CSNK1G2: variants seen among roughly 807,000 people sequenced by gnomAD.
The protein encoded by CSNK1G2 is casein kinase 1 gamma 2.
CSNK1G2 carries 11 observed loss-of-function variants against 48.0 expected under a neutral mutation model. The ratio of observed to expected loss-of-function variants is 0.23; its 90% CI spans 0.14 to 0.38. The LOEUF is 0.38. Among genes scored for constraint, CSNK1G2 ranks in the 10% least tolerant of loss-of-function variants. The probability of loss-of-function intolerance (pLI) is 1.00; values close to 1 mark genes in which losing one functional copy is unlikely to be tolerated. For synonymous variants in CSNK1G2, 337 were observed against 254.1 expected (o/e 1.33, Z -3.10); for missense variants, 446 against 595.5 (o/e 0.75, Z 2.61).
At chr19:1,956,320 T>C (rs1373613665) in intron 1 of CSNK1G2, among the ~76,000 whole-genome samples, 1 of 152,114 alleles carries the variant, frequency 6.6e-6, no homozygotes, top group African/African-American at 2.4e-5. Context: ...GATGGGGATT[T>C]GGTGCTTTTT....
At chr19:1,976,106 G>C in intron 2 of CSNK1G2, 1 of 1,289,510 alleles carries the variant, frequency 7.8e-7, no homozygotes, top group Non-Finnish European at 1.0e-6. Flanking sequence ...AGGATGGACC[G>C]TGTGGCAGGT....
chr19:1,958,118 C>G (rs1040598707), intron 1 of CSNK1G2, among the ~76,000 whole-genome samples: 3 of 152,046 alleles, frequency 2.0e-5, no homozygotes, highest in African/African-American at 4.8e-5. Context: ...GGTCTGGAGG[C>G]GTTGGAAGCA....
Position 1,980,138 on chromosome 19 carries a change from G to A in CSNK1G2, c.1194-11G>A, listed in dbSNP as rs373434865. ...CCCCGGTCCTCCTACCTGAGCCACT[G>A]CCCTCCTCAGATGCTGCTGTTTCTT... On this transcript the variant is annotated splice_polypyrimidine_tract_variant and intron_variant, in intron 11 of 11. Transcript: ENST00000255641. 16 of 1,612,732 alleles carry A rather than the reference G, an allele frequency of 9.9e-6. No individual in the cohort carries two copies. The highest frequency in any genetic ancestry group is 1.3e-5 in the African/African-American group (1 of 74,914).
intron 1 of CSNK1G2, among the ~76,000 whole-genome samples, chr19:1,947,623 C>G (rs923771290): frequency 3.3e-5 from 5 of 152,216 alleles, no homozygotes; most frequent in Non-Finnish European, 5.9e-5. Flanking sequence ...CCTTTGAGTT[C>G]CTCTGAGGGT....
chr19:1,965,422 C>T (rs2015337119), intron 1 of CSNK1G2, among the ~76,000 whole-genome samples: 1 of 151,632 alleles, frequency 6.6e-6, no homozygotes, highest in Admixed American at 6.6e-5. Context: ...TCCCTGCTAG[C>T]ACAACATCCA....
In CSNK1G2 at chr19:1,975,612, C is replaced by T. The variant is rs1175797255; in HGVS notation, c.188-2693C>T. 5.1e-6 allele frequency: 5 copies of T among 985,280 alleles called. 1 individual carries two copies. The Admixed American group carries it at 1.8e-4, about 36-fold the overall frequency. The allele number at this position is 985,280 out of a possible 1,614,324, so 61.0% of individuals were successfully genotyped here. ...GGGCGGGGAAGGGGGGATGAATCCA[C>T]TGTGAATCCCACCTCCGAAGGGCAG... On this transcript the variant is annotated intron_variant, in intron 2 of 11. Coordinates refer to ENST00000255641, the MANE Select transcript of CSNK1G2 (RefSeq NM_001319.7).
Position 1,969,618 on chromosome 19 carries a change from G to C in CSNK1G2, c.-155G>C. 1 of 597,116 alleles carries C rather than the reference G, an allele frequency of 1.7e-6. No homozygotes were observed. The highest frequency in any genetic ancestry group is 2.5e-6 in the Non-Finnish European group (1 of 397,542). 37.0% of individuals were successfully genotyped at this position (597,116 alleles called of 1,614,324 possible). A position where few individuals can be genotyped will look rare whatever the true frequency, so the allele number is the denominator to read the frequency against. On this transcript the variant is annotated 5_prime_UTR_variant, in exon 2 of 12. Transcript: ENST00000255641. ...GCAGCGCGGCCTGGCCGGCCCGAAC[G>C]CCTGCGTCTCAGTAGCTGGGAGCCA... is the stretch of plus-strand genomic sequence containing the variant.
At chr19:1,979,287 G>A (rs1292765109) in intron 7 of CSNK1G2, 32 bp from the exon 8 acceptor site, 1 of 1,575,838 alleles carries the variant, frequency 6.3e-7, no homozygotes, top group East Asian at 2.3e-5. Flanking sequence ...GGGACGCAGG[G>A]CGGGAGCAAG....
At chr19:1,974,136 C>T (rs2015671628) in intron 2 of CSNK1G2, among the ~76,000 whole-genome samples, 2 of 152,156 alleles carry the variant, frequency 1.3e-5, no homozygotes, top group South Asian at 4.1e-4. Context: ...TCGTGATCTA[C>T]CTGCCTCAGC....
chr19:1,948,235 C>G (rs1417492946), intron 1 of CSNK1G2, among the ~76,000 whole-genome samples: 2 of 152,154 alleles, frequency 1.3e-5, no homozygotes, highest in African/African-American at 2.4e-5. Context: ...TTAAAATTAA[C>G]GATCCCGGCC....
At chr19:1,955,239 G>A (rs1021964517) in intron 1 of CSNK1G2, among the ~76,000 whole-genome samples, 4 of 152,082 alleles carry the variant, frequency 2.6e-5, no homozygotes, top group South Asian at 2.1e-4. Context: ...CTGGGCACCC[G>A]CCCTGTGCCC....
At chr19:1,966,102 A>G (rs538545271) in intron 1 of CSNK1G2, among the ~76,000 whole-genome samples, 5 of 152,250 alleles carry the variant, frequency 3.3e-5, no homozygotes, top group Admixed American at 2.6e-4. Flanking sequence ...GCCGCCCATG[A>G]CTCTCATTAT....
At chr19:1,977,288 C>T (rs185414377) in intron 2 of CSNK1G2, among the ~76,000 whole-genome samples, 90 of 152,306 alleles carry the variant, frequency 5.9e-4, no homozygotes, top group African/African-American at 2.0e-3. Context: ...CCTCCAGGGC[C>T]GTGTGCCTGC....
At chr19:1,974,647 A>C (rs1270721441) in intron 2 of CSNK1G2, 1 of 152,050 alleles carries the variant, frequency 6.6e-6, no homozygotes, top group East Asian at 1.9e-4. Flanking sequence ...TCCCGGCTTG[A>C]GCGCTGAGTT....
At chr19:1,941,459 CACCCTG>C (rs2014356065) in intron 1 of CSNK1G2, 41 bp downstream of exon 1, 2 of 145,882 alleles carry the variant, frequency 1.4e-5, no homozygotes, top group African/African-American at 5.0e-5. Context: ...TCGCCCCCTG[CACCCTG>C]GCCCTGGGCG....
At chr19:1,960,688 G>A (rs1345620391) in intron 1 of CSNK1G2, among the ~76,000 whole-genome samples, 2 of 152,280 alleles carry the variant, frequency 1.3e-5, no homozygotes, top group African/African-American at 4.8e-5. Context: ...GGGAGTTTGA[G>A]ACCAGCCTGG....
rs747454688 is a variant in CSNK1G2, at chr19:1,979,409, G to A, written c.853+6G>A. ...GCTCTGCGAGAACTTCCCAGGTAAG[G>A]GGTCCCTGCGCCCCCGCCCTGTGCC... On this transcript the variant is annotated splice_donor_region_variant and intron_variant, in intron 8 of 11. Transcript: ENST00000255641. 3 of 1,561,988 alleles carry A rather than the reference G, an allele frequency of 1.9e-6. No homozygotes were observed. The highest frequency in any genetic ancestry group is 1.2e-5 in the South Asian group (1 of 84,832).
chr19:1,967,016 T>G lies in CSNK1G2; in HGVS notation c.-265-2492T>G, dbSNP rs370585908. Reference sequence around the variant, plus strand: ...CTCCCGAGTAGCTGGGACCACAGGCTTGCACACCACGCCCCGCTTAATTAA... The same window carrying G: ...CTCCCGAGTAGCTGGGACCACAGGCGTGCACACCACGCCCCGCTTAATTAA... On this transcript the variant is annotated intron_variant, in intron 1 of 11. Coordinates refer to ENST00000255641, the MANE Select transcript of CSNK1G2 (RefSeq NM_001319.7). Among the ~76,000 whole-genome samples, 26 of 150,462 alleles carry G rather than the reference T, an allele frequency of 1.7e-4. No homozygotes were observed. In the East Asian group the frequency reaches 4.9e-3, roughly 28 times the overall value.
At chr19:1,956,112 G>A (rs1007446484) in intron 1 of CSNK1G2, among the ~76,000 whole-genome samples, 1 of 152,288 alleles carries the variant, frequency 6.6e-6, no homozygotes, top group South Asian at 2.1e-4. Flanking sequence ...CAGGGGTGCC[G>A]AGAGGCCCTG....
Sources: allele counts gnomAD v4.1 joint callset (sites outside exome capture counted in the v4.1 genomes callset), GRCh38; gene constraint gnomAD v4.1.1; transcripts MANE v1.5; gene names NCBI Gene and HGNC (gene_info 2026-07-23, HGNC 2026-07-21).